The following MEF2C variants were observed in gnomAD, a reference collection of about 807,000 sequenced individuals.
The protein encoded by MEF2C is myocyte enhancer factor 2C.
Under a neutral mutation model 50.5 loss-of-function variants are expected in MEF2C, and 6 were observed. The ratio of observed to expected loss-of-function variants is 0.12; its 90% CI spans 0.07 to 0.23. The LOEUF (loss-of-function observed/expected upper bound fraction) is 0.23. Ranked by LOEUF, MEF2C falls within the 10% of genes least tolerant of loss-of-function variation. MEF2C has a pLI of 1.00. For synonymous variants in MEF2C, 183 were observed against 228.0 expected (o/e 0.80, Z 1.78); for missense variants, 276 against 605.0 (o/e 0.46, Z 5.70).
upstream of MEF2C, chr5:88,887,621 CAG>C (rs2150185260): frequency 6.6e-6 from 1 of 152,304 alleles, no homozygotes; most frequent in Admixed American, 6.5e-5. Context: ...AAGTGCAAAA[CAG>C]TATATAGTAT....
At chr5:88,801,017 A>C (rs569761996) in intron 3 of MEF2C, among the ~76,000 whole-genome samples, 45 of 152,312 alleles carry the variant, frequency 3.0e-4, no homozygotes, top group African/African-American at 1.0e-3. Flanking sequence ...AATTACGCAG[A>C]GCTTTTTTGC....
At chr5:88,757,233 TACC>T (rs995534012) in intron 4 of MEF2C, among the ~76,000 whole-genome samples, 4 of 152,314 alleles carry the variant, frequency 2.6e-5, no homozygotes, top group African/African-American at 9.6e-5. Flanking sequence ...TTCCCAAACT[TACC>T]ACAAGGAAAA....
intron 9 of MEF2C, 136 bp from the exon 10 acceptor site, chr5:88,728,764 G>A: frequency 1.6e-6 from 1 of 641,294 alleles, no homozygotes; most frequent in Non-Finnish European, 2.3e-6. Context: ...ATTTTGAGGG[G>A]AGGGGAGATA....
chr5:88,885,797 T>C (rs886596650), upstream of MEF2C, among the ~76,000 whole-genome samples: 2 of 152,244 alleles, frequency 1.3e-5, no homozygotes, highest in Non-Finnish European at 2.9e-5. Context: ...AACAGTCTAT[T>C]TGACATGAGC....
intron 1 of MEF2C, chr5:88,824,493 A>G: frequency 3.0e-6 from 1 of 332,860 alleles, no homozygotes. Context: ...TAAAAAAATT[A>G]TTGCTGTGAG....
intron 6 of MEF2C, chr5:88,748,842 C>T (rs1197645886): frequency 1.0e-6 from 1 of 985,206 alleles, no homozygotes; most frequent in African/African-American, 1.7e-5. Context: ...TCTCTGCTGA[C>T]CAGTTGAAGC....
Position 88,832,737 on chromosome 5 carries a change from C to T in MEF2C, c.-142-8807G>A, listed in dbSNP as rs112354404. Among the ~76,000 whole-genome samples the T allele has an allele frequency of 7.1e-3, 1,087 of 152,244 alleles. 14 individuals are homozygous for T. Among genetic ancestry groups the T allele is most frequent in the African/African-American group, 0.025 (1,049 of 41,542 alleles). Reference sequence around the variant, plus strand: ...TCAAAGCAGAAACAGTTAAATTAATCCCACTATGACTGGTGTCTGACACAG... The same window carrying T: ...TCAAAGCAGAAACAGTTAAATTAATTCCACTATGACTGGTGTCTGACACAG... On this transcript the variant is annotated intron_variant, in intron 1 of 10. Coordinates refer to ENST00000504921, the MANE Select transcript of MEF2C (RefSeq NM_002397.5).
chr5:88,764,815 A>G (rs2152712182), intron 3 of MEF2C, among the ~76,000 whole-genome samples: 1 of 151,686 alleles, frequency 6.6e-6, no homozygotes, highest in Non-Finnish European at 1.5e-5. Context: ...CTCAAAAAAA[A>G]AAAAAAAAAA....
At chr5:88,743,462 C>T in intron 6 of MEF2C, 1 of 985,298 alleles carries the variant, frequency 1.0e-6, no homozygotes, top group Non-Finnish European at 1.2e-6. Flanking sequence ...ATTGTCTGAC[C>T]TTTCCTCTTT....
chr5:88,850,109 C>G (rs1344868534), intron 1 of MEF2C, among the ~76,000 whole-genome samples: 1 of 151,718 alleles, frequency 6.6e-6, no homozygotes, highest in Non-Finnish European at 1.5e-5. Flanking sequence ...TAACAGGCCC[C>G]GGTGTGTGAT....
intron 5 of MEF2C, among the ~76,000 whole-genome samples, chr5:88,750,733 C>G (rs1772338029): frequency 6.6e-6 from 1 of 152,040 alleles, no homozygotes; most frequent in Non-Finnish European, 1.5e-5. Flanking sequence ...TATACATTTC[C>G]CAGACTCAAG....
At position 88,740,440 on chromosome 5, in the gene MEF2C, CCTAA is replaced by C. The variant is rs1251556413; in HGVS notation, c.638-8543_638-8540del. The C allele has an allele frequency of 1.6e-5, 16 of 985,218 alleles. No individual in the cohort carries two copies. In the South Asian group the frequency reaches 2.3e-4, roughly 14 times the overall value. 61.0% of individuals were successfully genotyped at this position (985,218 alleles called of 1,614,324 possible). A position where few individuals can be genotyped will look rare whatever the true frequency, so the allele number is the denominator to read the frequency against. ...TGTTGGCGAACATTTTCTCATTTGTCCTAACTGTCATGCGGATTTAGGCATCACC... is the reference window on the plus strand; with the variant it reads ...TGTTGGCGAACATTTTCTCATTTGTCCTGTCATGCGGATTTAGGCATCACC... On this transcript the variant is annotated intron_variant, in intron 6 of 10. Transcript: ENST00000504921.
intron 2 of MEF2C, among the ~76,000 whole-genome samples, chr5:88,823,484 T>C (rs1325030377): frequency 6.6e-6 from 1 of 151,922 alleles, no homozygotes; most frequent in African/African-American, 2.4e-5. Flanking sequence ...ACAACTACAC[T>C]TCCCATTTCA....
At chr5:88,738,538 T>C in intron 6 of MEF2C, 3 of 903,122 alleles carry the variant, frequency 3.3e-6, no homozygotes, top group Non-Finnish European at 4.0e-6. Context: ...AGCTATCAAC[T>C]GGTGAAGCTA....
chr5:88,743,591 T>C, intron 6 of MEF2C: 1 of 981,080 alleles, frequency 1.0e-6, no homozygotes, highest in Non-Finnish European at 1.2e-6. Flanking sequence ...GTAAATGGAT[T>C]GTAAAAATAT....
intron 1 of MEF2C, among the ~76,000 whole-genome samples, chr5:88,899,409 T>C (rs1007353795): frequency 1.3e-5 from 2 of 152,176 alleles, no homozygotes; most frequent in Non-Finnish European, 2.9e-5. Flanking sequence ...AGAGGAAATA[T>C]CTTTCATTGG....
Position 88,734,565 on chromosome 5 carries a change from G to GTTTTTT in MEF2C, c.638-2670_638-2665dup, listed in dbSNP as rs66505441. On this transcript the variant is annotated intron_variant, in intron 6 of 10. Coordinates refer to ENST00000504921, the MANE Select transcript of MEF2C (RefSeq NM_002397.5). ...TTCACGGAGGCCTTGAGAAAAGTTT[G>GTTTTTT]TTTTTTTTTTTTTTTTTTTTTTTTT... 1,164 of 540,844 alleles carry GTTTTTT rather than the reference G, an allele frequency of 2.2e-3. 46 individuals are homozygous for GTTTTTT. Among genetic ancestry groups the GTTTTTT allele is most frequent in the African/African-American group, 5.3e-3 (114 of 21,430 alleles). 33.5% of individuals were successfully genotyped at this position (540,844 alleles called of 1,614,324 possible).
intron 1 of MEF2C, among the ~76,000 whole-genome samples, chr5:88,834,316 G>A (rs1814200591): frequency 6.6e-6 from 1 of 152,110 alleles, no homozygotes; most frequent in Non-Finnish European, 1.5e-5. Context: ...TGGAGTACAT[G>A]GGAATCAAAC....
chr5:88,856,918 G>GCAC (rs1327434797), intron 1 of MEF2C, among the ~76,000 whole-genome samples: 3 of 152,346 alleles, frequency 2.0e-5, no homozygotes, highest in Admixed American at 6.5e-5. Flanking sequence ...TTCCACTGGG[G>GCAC]CACTGCCTAG....
Sources: allele counts gnomAD v4.1 joint callset (sites outside exome capture counted in the v4.1 genomes callset), GRCh38; gene constraint gnomAD v4.1.1; transcripts MANE v1.5; gene names NCBI Gene and HGNC (gene_info 2026-07-23, HGNC 2026-07-21).